STXBP5L: variants seen among roughly 807,000 people sequenced by gnomAD.
The protein encoded by STXBP5L is syntaxin binding protein 5L.
STXBP5L carries 65 observed loss-of-function variants against 144.5 expected under a neutral mutation model. That is an observed-to-expected ratio of 0.45 (90% confidence interval 0.37 to 0.55). STXBP5L has a LOEUF of 0.55. STXBP5L is among the 20% of genes least tolerant of loss of function. The pLI is 0.00. For missense variants in STXBP5L, 1,298 were observed against 1,405.5 expected, an observed-to-expected ratio of 0.92 and a Z score of 1.22; for synonymous variants, 505 against 469.6, an observed-to-expected ratio of 1.08 and a Z score of -0.97.
chr3:121,209,850 G>A (rs1250148978), intron 10 of STXBP5L, among the ~76,000 whole-genome samples: 1 of 152,152 alleles, frequency 6.6e-6, no homozygotes, highest in South Asian at 2.1e-4. Context: ...CATTTGGGTT[G>A]GCTCCAAGTC....
chr3:121,091,523 T>C (rs2042794216), intron 5 of STXBP5L, among the ~76,000 whole-genome samples: 2 of 152,228 alleles, frequency 1.3e-5, no homozygotes. Context: ...ATTTCTCTGA[T>C]GGCCAGTGAT....
rs575476133 is a variant in STXBP5L at position 121,096,202 on chromosome 3, A to C, written c.471-18723A>C. ...CATCTTCTGCATCACTCATGCTGGGAGTTGTGGACTGGAGCTGTTCATATT... is the reference window on the plus strand; with the variant it reads ...CATCTTCTGCATCACTCATGCTGGGCGTTGTGGACTGGAGCTGTTCATATT... On this transcript the variant is annotated intron_variant, in intron 5 of 26. Transcript: ENST00000471454. Among the ~76,000 whole-genome samples the C allele has an allele frequency of 2.2e-3, 336 of 152,252 alleles. 2 individuals carry two copies. Among genetic ancestry groups the C allele is most frequent in the Non-Finnish European group, 4.0e-3 (271 of 68,018 alleles).
At chr3:120,959,678 C>T (rs1001821488) in intron 3 of STXBP5L, among the ~76,000 whole-genome samples, 3 of 151,928 alleles carry the variant, frequency 2.0e-5, no homozygotes, top group Non-Finnish European at 4.4e-5. Context: ...ATAAATGATG[C>T]TGGTGGGAAA....
rs985587782 is a variant in STXBP5L, at chr3:120,941,297, C to A, written c.190-13643C>A. On this transcript the variant is annotated intron_variant, in intron 2 of 26. Coordinates refer to ENST00000471454, the MANE Select transcript of STXBP5L (RefSeq NM_001308330.2). ...TAGTAAAGAATAATCTACTTTTAAT[C>A]TGTAATAATCACTAGATTTAATAAT... Among the ~76,000 whole-genome samples the A allele has an allele frequency of 5.6e-4, 85 of 151,644 alleles. 1 individual carries two copies. The highest frequency in any genetic ancestry group is 1.9e-3 in the African/African-American group (79 of 41,374).
At chr3:121,243,702 C>T (rs777593234) in intron 14 of STXBP5L, among the ~76,000 whole-genome samples, 1 of 152,028 alleles carries the variant, frequency 6.6e-6, no homozygotes, top group African/African-American at 2.4e-5. Flanking sequence ...AGTATATTGA[C>T]TTTGGAAATA....
intron 20 of STXBP5L, among the ~76,000 whole-genome samples, chr3:121,349,604 A>G (rs1358350859): frequency 6.6e-6 from 1 of 151,998 alleles, no homozygotes. Context: ...GTCTCTTTGT[A>G]GGTCTCTAAG....
intron 5 of STXBP5L, among the ~76,000 whole-genome samples, chr3:121,095,925 C>A (rs550450810): frequency 6.6e-6 from 1 of 152,018 alleles, no homozygotes; most frequent in East Asian, 1.9e-4. Flanking sequence ...TTTTATCTAC[C>A]TTTGGTCTTC....
At chr3:121,005,303 T>C (rs1455523861) in intron 3 of STXBP5L, among the ~76,000 whole-genome samples, 1 of 152,230 alleles carries the variant, frequency 6.6e-6, no homozygotes, top group Non-Finnish European at 1.5e-5. Context: ...TCCAGGAATT[T>C]ATCCATTTCT....
chr3:121,088,445 G>A (rs2042605904), intron 5 of STXBP5L, among the ~76,000 whole-genome samples: 1 of 106,994 alleles, frequency 9.3e-6, no homozygotes, highest in Non-Finnish European at 1.9e-5. Flanking sequence ...GGAAACAACA[G>A]GTGCTGGAGA....
At chr3:121,391,712 G>C (rs1412213936) in intron 22 of STXBP5L, among the ~76,000 whole-genome samples, 2 of 152,208 alleles carry the variant, frequency 1.3e-5, no homozygotes, top group African/African-American at 4.8e-5. Context: ...ATCACCAGCA[G>C]AAGCTGCAGA....
chr3:120,977,989 A>G (rs1237609961), intron 3 of STXBP5L, among the ~76,000 whole-genome samples: 1 of 152,018 alleles, frequency 6.6e-6, no homozygotes, highest in Non-Finnish European at 1.5e-5. Flanking sequence ...TTTTTCCTTC[A>G]TTTCAACTTT....
intron 5 of STXBP5L, among the ~76,000 whole-genome samples, chr3:121,103,728 A>G (rs2043550825): frequency 6.6e-6 from 1 of 152,200 alleles, no homozygotes. Flanking sequence ...AAAGCTTAGT[A>G]CATATGACAT....
At chr3:121,288,245 G>A (rs950764245) in intron 19 of STXBP5L, among the ~76,000 whole-genome samples, 3 of 152,142 alleles carry the variant, frequency 2.0e-5, no homozygotes, top group Admixed American at 6.5e-5. Context: ...ACTGTTGATG[G>A]GCATTTAGAC....
chr3:121,011,069 A>G (rs1018283695), intron 3 of STXBP5L, among the ~76,000 whole-genome samples: 6 of 149,606 alleles, frequency 4.0e-5, no homozygotes, highest in Non-Finnish European at 8.9e-5. Context: ...TTTTAAATCT[A>G]GTATGTCTAC....
intron 19 of STXBP5L, among the ~76,000 whole-genome samples, chr3:121,307,177 G>A (rs1269975454): frequency 2.0e-5 from 3 of 152,150 alleles, no homozygotes; most frequent in Admixed American, 6.6e-5. Flanking sequence ...AAAAACTGGA[G>A]AGGGGAGAGA....
intron 19 of STXBP5L, among the ~76,000 whole-genome samples, chr3:121,287,913 G>C (rs930365477): frequency 6.6e-6 from 1 of 152,136 alleles, no homozygotes; most frequent in African/African-American, 2.4e-5. Flanking sequence ...GTTACACCAA[G>C]TTTATGTCTC....
In STXBP5L at chr3:121,091,911, C is replaced by A. The variant is rs144010554; in HGVS notation, c.471-23014C>A. Among the ~76,000 whole-genome samples the A allele has an allele frequency of 1.9e-3, 284 of 152,158 alleles. 2 individuals carry two copies. Among genetic ancestry groups the A allele is most frequent in the Middle Eastern group, 6.8e-3 (2 of 294 alleles). Reference sequence around the variant, plus strand: ...TTCTAGGATCTTTATGGTTTTAGGTCTAACATTTAAGTCTTTAATTCATCT... The same window carrying A: ...TTCTAGGATCTTTATGGTTTTAGGTATAACATTTAAGTCTTTAATTCATCT... On this transcript the variant is annotated intron_variant, in intron 5 of 26. Transcript: ENST00000471454.
At chr3:121,184,362 G>T (rs1415576671) in intron 9 of STXBP5L, among the ~76,000 whole-genome samples, 1 of 151,618 alleles carries the variant, frequency 6.6e-6, no homozygotes, top group Non-Finnish European at 1.5e-5. Flanking sequence ...GTTTAGAGAA[G>T]AACATACATG....
chr3:121,092,684 G>T (rs924540343), intron 5 of STXBP5L, among the ~76,000 whole-genome samples: 5 of 152,136 alleles, frequency 3.3e-5, no homozygotes, highest in Non-Finnish European at 5.9e-5. Flanking sequence ...GAGACAGTGG[G>T]GTTTTCTAGA....
Sources: allele counts gnomAD v4.1 joint callset (sites outside exome capture counted in the v4.1 genomes callset), GRCh38; gene constraint gnomAD v4.1.1; transcripts MANE v1.5; gene names NCBI Gene and HGNC (gene_info 2026-07-23, HGNC 2026-07-21).